The following COP1 variants were observed in gnomAD, a reference collection of about 807,000 sequenced individuals.
COP1 encodes the protein E3 ubiquitin-protein ligase COP1.
COP1 carries 24 observed loss-of-function variants against 101.3 expected under a neutral mutation model. That is an observed-to-expected ratio of 0.24 (90% CI 0.17 to 0.33). COP1 has a LOEUF of 0.33. COP1 is among the 10% of genes least tolerant of loss of function. The pLI is 1.00. For missense variants in COP1, 663 were observed against 906.2 expected (o/e 0.73, Z 3.45); for synonymous variants, 347 against 341.9 (o/e 1.01, Z -0.17).
intron 5 of COP1, among the ~76,000 whole-genome samples, chr1:176,156,085 A>G (rs1693406275): frequency 6.6e-6 from 1 of 152,082 alleles, no homozygotes; most frequent in South Asian, 2.1e-4. Context: ...AGCCAAAATA[A>G]CAATGTTTTA....
intron 15 of COP1, among the ~76,000 whole-genome samples, chr1:175,999,529 G>A (rs1301328513): frequency 1.3e-5 from 2 of 151,924 alleles, no homozygotes; most frequent in African/African-American, 4.8e-5. Flanking sequence ...TACAAAGTTT[G>A]CTTCCAAATC....
intron 14 of COP1, among the ~76,000 whole-genome samples, chr1:176,037,831 T>C (rs917343725): frequency 6.6e-6 from 1 of 152,174 alleles, no homozygotes; most frequent in Admixed American, 6.5e-5. Flanking sequence ...TTAGTCAGTA[T>C]ATTAAGTGAT....
At chr1:176,059,254 T>C (rs1571989480) in intron 11 of COP1, among the ~76,000 whole-genome samples, 1 of 152,212 alleles carries the variant, frequency 6.6e-6, no homozygotes, top group African/African-American at 2.4e-5. Flanking sequence ...TTCACATTAT[T>C]CTCTCCCTCT....
intron 9 of COP1, among the ~76,000 whole-genome samples, chr1:176,097,225 T>C (rs1380260533): frequency 6.6e-6 from 1 of 151,806 alleles, no homozygotes; most frequent in Admixed American, 6.5e-5. Flanking sequence ...CCTTGTTTTG[T>C]TGAAAAAAAA....
chr1:176,198,665 G>T (rs899028638), intron 1 of COP1, among the ~76,000 whole-genome samples: 2 of 151,800 alleles, frequency 1.3e-5, no homozygotes, highest in Non-Finnish European at 2.9e-5. Flanking sequence ...AAATTATTAA[G>T]AAAATGAAAA....
chr1:176,009,710 A>G (rs1301066503), intron 15 of COP1, among the ~76,000 whole-genome samples: 1 of 152,078 alleles, frequency 6.6e-6, no homozygotes, highest in African/African-American at 2.4e-5. Context: ...ATGCCATCAT[A>G]TTGTTATTTT....
chr1:176,205,677 T>A (rs1338914382), intron 1 of COP1, among the ~76,000 whole-genome samples: 1 of 152,200 alleles, frequency 6.6e-6, no homozygotes, highest in Non-Finnish European at 1.5e-5. Flanking sequence ...TCCAAAACAC[T>A]CTCAAGCAAG....
intron 16 of COP1, 101 bp downstream of exon 16, chr1:175,989,261 T>A: frequency 1.7e-6 from 1 of 597,412 alleles, no homozygotes; most frequent in Non-Finnish European, 3.1e-6. Context: ...GTACATATAC[T>A]CCAATATTAT....
intron 9 of COP1, among the ~76,000 whole-genome samples, chr1:176,108,091 A>G (rs1231547517): frequency 2.0e-5 from 3 of 152,136 alleles, no homozygotes; most frequent in Non-Finnish European, 4.4e-5. Flanking sequence ...TTAATTTGTA[A>G]AAAATTAAAA....
At chr1:176,108,161 G>A (rs1392020364) in intron 9 of COP1, among the ~76,000 whole-genome samples, 1 of 151,754 alleles carries the variant, frequency 6.6e-6, no homozygotes, top group African/African-American at 2.4e-5. Context: ...ATTGTACTAT[G>A]GTTATATAAA....
chr1:176,004,571 C>A (rs1296870396), intron 15 of COP1, among the ~76,000 whole-genome samples: 25 of 152,196 alleles, frequency 1.6e-4, no homozygotes, highest in East Asian at 7.7e-4. Context: ...AGGGTTGTTG[C>A]ATTTTGTTGA....
chr1:175,979,144 G>A (rs1029631404), intron 18 of COP1, among the ~76,000 whole-genome samples: 2 of 152,046 alleles, frequency 1.3e-5, no homozygotes, highest in Non-Finnish European at 2.9e-5. Flanking sequence ...AATTTCCCAA[G>A]GAGACCTGGG....
chr1:175,996,845 T>C (rs1660280149), intron 15 of COP1, among the ~76,000 whole-genome samples: 1 of 152,070 alleles, frequency 6.6e-6, no homozygotes, highest in Admixed American at 6.6e-5. Context: ...ATAGATTCAA[T>C]GCCATCCCCA....
At chr1:175,963,615 C>G (rs1184748099) in intron 18 of COP1, among the ~76,000 whole-genome samples, 1 of 152,080 alleles carries the variant, frequency 6.6e-6, no homozygotes, top group Admixed American at 6.6e-5. Context: ...TAGTATACTG[C>G]CTGGTTGGTA....
At chr1:176,153,897 T>G (rs1693035350) in intron 5 of COP1, among the ~76,000 whole-genome samples, 1 of 152,262 alleles carries the variant, frequency 6.6e-6, no homozygotes, top group African/African-American at 2.4e-5. Context: ...TCACATTTAT[T>G]GATTTGCATA....
intron 1 of COP1, among the ~76,000 whole-genome samples, chr1:176,196,987 C>T (rs1466262626): frequency 3.3e-5 from 5 of 152,008 alleles, no homozygotes; most frequent in Admixed American, 2.0e-4. Context: ...GCAATAATAC[C>T]TATGTTACGG....
rs759220584 is a variant in COP1 at position 175,989,346 on chromosome 1, G to T, written c.1847+16C>A. On this transcript the variant is annotated intron_variant, in intron 16 of 19. Coordinates refer to ENST00000367669, the MANE Select transcript of COP1 (RefSeq NM_022457.7). ...GCTCTGTATTAAGCTCAACCTCTGA[G>T]GAGAGTAATACTCACGCAGAGACAA... 12 of 1,307,578 alleles carry T rather than the reference G, an allele frequency of 9.2e-6. No homozygotes were observed. The South Asian group carries it at 1.2e-4, about 13-fold the overall frequency. The allele number at this position is 1,307,578 out of a possible 1,614,324, so 81.0% of individuals were successfully genotyped here.
intron 15 of COP1, among the ~76,000 whole-genome samples, chr1:176,002,536 G>A (rs556826295): frequency 9.7e-5 from 11 of 113,710 alleles, no homozygotes; most frequent in Non-Finnish European, 1.9e-4. Context: ...TCCCCAGAGC[G>A]TGATATTCCC....
At chr1:175,995,815 G>A (rs1377951154) in intron 15 of COP1, among the ~76,000 whole-genome samples, 1 of 152,126 alleles carries the variant, frequency 6.6e-6, no homozygotes, top group Admixed American at 6.5e-5. Context: ...TTCTACCAGA[G>A]GTACAAGGAG....
Sources: gnomAD v4.1 joint callset for allele counts (sites outside exome capture counted in the v4.1 genomes callset) on GRCh38, gnomAD v4.1.1 for gene constraint, MANE v1.5 for transcripts, NCBI Gene and HGNC (gene_info 2026-07-23, HGNC 2026-07-21) for gene names.